Variants in CEP112 observed in about 807,000 individuals in gnomAD.
CEP112 encodes the protein centrosomal protein 112, also known as centrosomal protein of 112 kDa.
A neutral mutation model predicts 153.0 loss-of-function variants in CEP112; 127 were observed. That is an observed-to-expected ratio of 0.83 (90% CI 0.72 to 0.96). The LOEUF (loss-of-function observed/expected upper bound fraction) is 0.96, where lower values mean the gene tolerates loss of function less well. Ranked by LOEUF, CEP112 falls within the 40% of genes least tolerant of loss-of-function variation. The pLI, the probability that CEP112 is intolerant of heterozygous loss-of-function variation, is 0.00. For missense variants in CEP112, 1,089 were observed against 1,101.2 expected, an observed-to-expected ratio of 0.99 and a Z score of 0.16; for synonymous variants, 358 against 374.4, an observed-to-expected ratio of 0.96 and a Z score of 0.51.
intron 21 of CEP112, among the ~76,000 whole-genome samples, chr17:65,808,896 T>C (rs533037079): frequency 7.9e-5 from 12 of 152,304 alleles, no homozygotes; most frequent in African/African-American, 2.9e-4. Flanking sequence ...AATACAATCA[T>C]GAATAGATTA....
chr17:66,147,865 T>C (rs1468717433), intron 4 of CEP112, among the ~76,000 whole-genome samples: 2 of 152,212 alleles, frequency 1.3e-5, no homozygotes, highest in Non-Finnish European at 2.9e-5. Context: ...TTGGTCTATA[T>C]ATTTGTCTTT....
chr17:66,004,248 G>A (rs1296823260), intron 17 of CEP112, among the ~76,000 whole-genome samples: 5 of 151,938 alleles, frequency 3.3e-5, no homozygotes, highest in South Asian at 2.1e-4. Context: ...TTGGGAGGCC[G>A]AGGCGGGCGG....
chr17:65,796,172 G>T (rs1422149431), intron 21 of CEP112, among the ~76,000 whole-genome samples: 1 of 152,056 alleles, frequency 6.6e-6, no homozygotes, highest in Admixed American at 6.5e-5. Flanking sequence ...CTTTCCCCTT[G>T]ATTACATGAG....
intron 21 of CEP112, among the ~76,000 whole-genome samples, chr17:65,751,414 C>T (rs960241015): frequency 6.6e-6 from 1 of 152,262 alleles, no homozygotes; most frequent in South Asian, 2.1e-4. Context: ...TTTATTTCAT[C>T]GTCAAGGTTT....
chr17:65,741,726 T>C (rs2051149538), intron 23 of CEP112, among the ~76,000 whole-genome samples: 1 of 151,982 alleles, frequency 6.6e-6, no homozygotes, highest in African/African-American at 2.4e-5. Flanking sequence ...TACCTACTAC[T>C]TGGTATTTGG....
intron 24 of CEP112, among the ~76,000 whole-genome samples, chr17:65,654,056 C>CAAAAAAAAA (rs773433478): frequency 1.3e-3 from 36 of 26,880 alleles, no homozygotes; most frequent in Non-Finnish European, 1.5e-3. Flanking sequence ...AAGACTCCAT[C>CAAAAAAAAA]AAAAAAAAAA....
intron 6 of CEP112, among the ~76,000 whole-genome samples, chr17:66,099,728 T>A (rs2068490628): frequency 6.6e-6 from 1 of 151,746 alleles, no homozygotes; most frequent in South Asian, 2.1e-4. Flanking sequence ...GAATCCAATA[T>A]CCACAAAAAC....
intron 16 of CEP112, among the ~76,000 whole-genome samples, chr17:66,018,665 A>G (rs1439164373): frequency 6.6e-6 from 1 of 152,270 alleles, no homozygotes; most frequent in Non-Finnish European, 1.5e-5. Flanking sequence ...TGTTAAATAT[A>G]CGGCTGTGAC....
At chr17:66,038,610 C>T (rs1402234509) in intron 12 of CEP112, among the ~76,000 whole-genome samples, 2 of 152,120 alleles carry the variant, frequency 1.3e-5, no homozygotes, top group Admixed American at 1.3e-4. Context: ...TATGTTTTGC[C>T]GGCTGTAACA....
intron 21 of CEP112, among the ~76,000 whole-genome samples, chr17:65,808,716 A>G (rs1030068046): frequency 2.6e-5 from 4 of 152,004 alleles, no homozygotes; most frequent in African/African-American, 7.3e-5. Flanking sequence ...TTCCACCATG[A>G]TTGTAAGTTT....
intron 16 of CEP112, among the ~76,000 whole-genome samples, chr17:66,016,376 C>A (rs17625947): frequency 6.6e-6 from 1 of 151,852 alleles, no homozygotes; most frequent in Non-Finnish European, 1.5e-5. Flanking sequence ...TGACAAAAAC[C>A]ACAGGGGCTG....
chr17:65,777,811 A>G (rs1279390702), intron 21 of CEP112, among the ~76,000 whole-genome samples: 2 of 152,160 alleles, frequency 1.3e-5, no homozygotes, highest in Non-Finnish European at 2.9e-5. Context: ...ATTTCAGCAT[A>G]TATTTTCAAA....
At chr17:65,665,987 A>G (rs1214407657) in intron 24 of CEP112, among the ~76,000 whole-genome samples, 1 of 152,042 alleles carries the variant, frequency 6.6e-6, no homozygotes. Flanking sequence ...CACATCTCCA[A>G]ATACCTTGCC....
At chr17:66,018,811 TC>T (rs1413884335) in intron 16 of CEP112, among the ~76,000 whole-genome samples, 7 of 152,318 alleles carry the variant, frequency 4.6e-5, no homozygotes, top group African/African-American at 1.7e-4. Flanking sequence ...AGTAGATATT[TC>T]AATTCAGTAC....
At chr17:66,027,198 G>A (rs899238013) in intron 16 of CEP112, among the ~76,000 whole-genome samples, 2 of 152,102 alleles carry the variant, frequency 1.3e-5, no homozygotes, top group African/African-American at 4.8e-5. Flanking sequence ...CCAAAATGGT[G>A]AAACTCCCTC....
At chr17:65,801,183 T>C (rs564897953) in intron 21 of CEP112, among the ~76,000 whole-genome samples, 2 of 152,128 alleles carry the variant, frequency 1.3e-5, no homozygotes, top group Non-Finnish European at 2.9e-5. Context: ...TTCAGCTTCC[T>C]GAGTGGCTGG....
At chr17:65,788,942 G>T (rs1330373733) in intron 21 of CEP112, among the ~76,000 whole-genome samples, 1 of 152,126 alleles carries the variant, frequency 6.6e-6, no homozygotes, top group Non-Finnish European at 1.5e-5. Flanking sequence ...TCTATAGCTG[G>T]TTTTAAATAA....
chr17:65,732,497 G>A (rs987243965), intron 23 of CEP112, among the ~76,000 whole-genome samples: 2 of 152,200 alleles, frequency 1.3e-5, no homozygotes, highest in African/African-American at 4.8e-5. Context: ...TTGAACAAGA[G>A]AGTTAGCCTG....
chr17:65,786,064 C>T (rs1198939147), intron 21 of CEP112, among the ~76,000 whole-genome samples: 2 of 151,912 alleles, frequency 1.3e-5, no homozygotes, highest in Non-Finnish European at 2.9e-5. Flanking sequence ...ATATGAATGC[C>T]TTTTCATTTA....
Sources: allele counts gnomAD v4.1 joint callset (sites outside exome capture counted in the v4.1 genomes callset), GRCh38; gene constraint gnomAD v4.1.1; transcripts MANE v1.5; gene names NCBI Gene and HGNC (gene_info 2026-07-23, HGNC 2026-07-21).